Variants in SOS2 observed in about 807,000 individuals in gnomAD.
The protein encoded by SOS2 is SOS Ras/Rho guanine nucleotide exchange factor 2.
A neutral mutation model predicts 148.2 loss-of-function variants in SOS2; 65 were observed. That is an observed-to-expected ratio of 0.44 (90% CI 0.36 to 0.54). The LOEUF (loss-of-function observed/expected upper bound fraction) is 0.54, where lower values mean the gene tolerates loss of function less well. Among genes scored for constraint, SOS2 ranks in the 20% least tolerant of loss-of-function variants. SOS2 has a pLI of 0.00. For synonymous variants in SOS2, 539 were observed against 537.1 expected, an observed-to-expected ratio of 1.00 and a Z score of -0.05; for missense variants, 1,341 against 1,590.2, an observed-to-expected ratio of 0.84 and a Z score of 2.67.
chr14:50,167,371 A>G (rs199642523), intron 8 of SOS2, among the ~76,000 whole-genome samples: 1 of 141,156 alleles, frequency 7.1e-6, no homozygotes, highest in Non-Finnish European at 1.5e-5. Flanking sequence ...TCTACAAAAA[A>G]TAAAAAAACA....
In SOS2 at chr14:50,187,651, G is replaced by A. The variant is rs141406235; in HGVS notation, c.714+846C>T. 5.8e-4 allele frequency among the ~76,000 whole-genome samples: 88 copies of A among 152,096 alleles called. No individual in the cohort carries two copies. In the East Asian group the frequency reaches 0.013, roughly 22 times the overall value. On this transcript the variant is annotated intron_variant, in intron 5 of 22. Coordinates refer to ENST00000216373, the MANE Select transcript of SOS2 (RefSeq NM_006939.4). ...GGCGTGAGCCACTGCACCCGGTCAA[G>A]ACTAATTATTTTTAAAGTGTGGGCC... is the stretch of plus-strand genomic sequence containing the variant.
intron 4 of SOS2, among the ~76,000 whole-genome samples, chr14:50,194,135 TA>T (rs2139759035): frequency 6.6e-6 from 1 of 152,338 alleles, no homozygotes; most frequent in Admixed American, 6.5e-5. Flanking sequence ...ACCAGCAAAC[TA>T]CAGGCCAAAT....
At chr14:50,146,289 A>G (rs570638467) in intron 14 of SOS2, among the ~76,000 whole-genome samples, 35 of 152,338 alleles carry the variant, frequency 2.3e-4, no homozygotes, top group African/African-American at 8.4e-4. Context: ...GAAGAGATAC[A>G]TATCGGATGA....
chr14:50,180,509 T>C (rs1037424180), intron 7 of SOS2, 63 bp downstream of exon 7: 8 of 673,692 alleles, frequency 1.2e-5, no homozygotes, highest in African/African-American at 8.6e-5. Context: ...AAGGATAAAA[T>C]AGTGAGATAT....
chr14:50,151,223 T>C (rs1193404430), intron 13 of SOS2, among the ~76,000 whole-genome samples: 1 of 152,234 alleles, frequency 6.6e-6, no homozygotes, highest in Non-Finnish European at 1.5e-5. Context: ...ACTGAGTCAA[T>C]GTGTCTCAAG....
Position 50,130,746 on chromosome 14 carries a change from A to G in SOS2, c.3092T>C (p.Phe1031Ser), listed in dbSNP as rs771521679. The part of the protein sequence containing the change: ...QPPRFPRKST[F>S]SLKSPGIRPN... ...CCTTATTCCAGGAGATTTTAAGGAA[A>G]AAGTTGATTTCCTAGGCTGAGAAAA... Residue 1031 changes from phenylalanine to serine, a missense_variant, in exon 20 of 23, where the codon TTT becomes TCT. Phe to Ser is a radical substitution (Grantham distance 155, BLOSUM62 -2). Around this residue, in one of 4 missense-constraint regions of SOS2, gnomAD observed 408 missense variants for 506.6 expected, o/e 0.81. Transcript: ENST00000216373. The G allele has an allele frequency of 7.5e-6, 12 of 1,603,448 alleles. No homozygotes were observed. The South Asian group carries it at 1.3e-4, about 18-fold the overall frequency.
intron 21 of SOS2, among the ~76,000 whole-genome samples, chr14:50,125,776 T>C (rs1883661254): frequency 6.6e-6 from 1 of 152,136 alleles, no homozygotes; most frequent in African/African-American, 2.4e-5. Context: ...CTCCCCTACT[T>C]AGTGAGGCCA....
intron 7 of SOS2, among the ~76,000 whole-genome samples, chr14:50,174,777 C>T (rs1010305278): frequency 1.3e-5 from 2 of 152,112 alleles, no homozygotes; most frequent in African/African-American, 4.8e-5. Flanking sequence ...TTTTATGTGG[C>T]TAAAATAGCT....
chr14:50,190,928 C>T (rs1398063234), intron 4 of SOS2, among the ~76,000 whole-genome samples: 1 of 152,184 alleles, frequency 6.6e-6, no homozygotes, highest in Non-Finnish European at 1.5e-5. Context: ...TAAAGGAAGA[C>T]ATAAGACATA....
chr14:50,126,719 C>G (rs1481970466), intron 21 of SOS2, among the ~76,000 whole-genome samples: 1 of 149,672 alleles, frequency 6.7e-6, no homozygotes, highest in East Asian at 1.9e-4. Flanking sequence ...AAGAGATGGA[C>G]AAGAGGTGAT....
chr14:50,146,895 A>T (rs1025005254), intron 14 of SOS2, among the ~76,000 whole-genome samples: 27 of 152,058 alleles, frequency 1.8e-4, no homozygotes, highest in Non-Finnish European at 3.1e-4. Flanking sequence ...TATGCAGTTT[A>T]AAAAAAGTGC....
At chr14:50,186,811 T>G (rs1245757626) in intron 5 of SOS2, among the ~76,000 whole-genome samples, 1 of 152,132 alleles carries the variant, frequency 6.6e-6, no homozygotes, top group East Asian at 1.9e-4. Flanking sequence ...TAAACATATA[T>G]CCAAAAGAAA....
Position 50,194,831 on chromosome 14 carries a change from C to T in SOS2, c.510+4860G>A, listed in dbSNP as rs1886265285. Among the ~76,000 whole-genome samples the T allele has an allele frequency of 2.0e-5, 3 of 151,196 alleles. 1 individual carries two copies. In the South Asian group the frequency reaches 6.3e-4, roughly 32 times the overall value. On this transcript the variant is annotated intron_variant, in intron 4 of 22. Coordinates refer to ENST00000216373, the MANE Select transcript of SOS2 (RefSeq NM_006939.4). Reference sequence around the variant, plus strand: ...AATAATATGGAGTCTCGCTCTGTCACCCAGGCCGGAGTGCAGTGGCGTGAT... The same window carrying T: ...AATAATATGGAGTCTCGCTCTGTCATCCAGGCCGGAGTGCAGTGGCGTGAT...
intron 1 of SOS2, among the ~76,000 whole-genome samples, chr14:50,213,601 G>A (rs1450935170): frequency 1.3e-5 from 2 of 152,038 alleles, no homozygotes; most frequent in South Asian, 2.1e-4. Flanking sequence ...AACCCTGGAG[G>A]TGGAGGTTGA....
intron 19 of SOS2, among the ~76,000 whole-genome samples, chr14:50,131,674 A>G (rs568829882): frequency 6.6e-6 from 1 of 152,344 alleles, no homozygotes; most frequent in Admixed American, 6.5e-5. Context: ...GCAAGAACAA[A>G]TATCAAATCC....
intron 1 of SOS2, among the ~76,000 whole-genome samples, chr14:50,206,209 T>C (rs997252951): frequency 7.9e-5 from 12 of 152,364 alleles, no homozygotes; most frequent in South Asian, 4.1e-4. Flanking sequence ...ACTTTGCTCA[T>C]TTTTGTCAAC....
At chr14:50,197,784 G>C (rs1024156669) in intron 4 of SOS2, among the ~76,000 whole-genome samples, 18 of 150,702 alleles carry the variant, frequency 1.2e-4, no homozygotes, top group African/African-American at 4.4e-4. Context: ...TACCTCCTGG[G>C]TTCAAATGAT....
chr14:50,184,931 C>G (rs1566842446), intron 5 of SOS2, among the ~76,000 whole-genome samples: 2 of 148,924 alleles, frequency 1.3e-5, no homozygotes, highest in South Asian at 2.1e-4. Flanking sequence ...CATAAAAACT[C>G]TTGATGAGCT....
At position 50,180,943 on chromosome 14, in the gene SOS2, T is replaced by TA. The variant is rs1885714961; in HGVS notation, c.859-262dup. Reference sequence around the variant, plus strand: ...ATTAATGGGATATCTGCAGAACCGATATGAAAACAAAACAAATTTTGAAAA... The same window carrying TA: ...ATTAATGGGATATCTGCAGAACCGATAATGAAAACAAAACAAATTTTGAAAA... On this transcript the variant is annotated intron_variant, in intron 6 of 22. Coordinates refer to ENST00000216373, the MANE Select transcript of SOS2 (RefSeq NM_006939.4). Among the ~76,000 whole-genome samples the TA allele has an allele frequency of 2.6e-5, 4 of 151,320 alleles. No homozygotes were observed. The South Asian group carries it at 8.4e-4, about 32-fold the overall frequency.
Sources: allele counts gnomAD v4.1 joint callset (sites outside exome capture counted in the v4.1 genomes callset), GRCh38; gene constraint gnomAD v4.1.1; regional missense constraint gnomAD v4.1.1; transcripts MANE v1.5; gene names NCBI Gene and HGNC (gene_info 2026-07-23, HGNC 2026-07-21).